The following CASK variants were observed in gnomAD, a reference collection of about 807,000 sequenced individuals.
CASK encodes the protein calcium/calmodulin dependent serine protein kinase.
In CASK, 4 loss-of-function variants were observed where a neutral mutation model predicts 82.9. The ratio of observed to expected loss-of-function variants is 0.05; its 90% CI spans 0.02 to 0.11. The LOEUF is 0.11. Among genes scored for constraint, CASK ranks in the 10% least tolerant of loss-of-function variants. The probability of loss-of-function intolerance (pLI) is 1.00; values close to 1 mark genes in which losing one functional copy is unlikely to be tolerated. For synonymous variants in CASK, 259 were observed against 253.5 expected, an observed-to-expected ratio of 1.02 and a Z score of -0.20; for missense variants, 358 against 720.9, an observed-to-expected ratio of 0.50 and a Z score of 5.76.
At chrX:41,735,863 G>T (rs2068485806) in intron 5 of CASK, among the ~76,000 whole-genome samples, 1 of 111,231 alleles carries the variant, frequency 9.0e-6, no homozygotes. Context: ...ATTTACAAAA[G>T]CAAGCCCTTC....
intron 2 of CASK, among the ~76,000 whole-genome samples, chrX:41,791,838 G>A (rs780916945): frequency 4.5e-5 from 5 of 110,627 alleles, no homozygotes; most frequent in Admixed American, 2.9e-4. Flanking sequence ...TAATTTCTCA[G>A]GAAATTTTAA....
intron 8 of CASK, among the ~76,000 whole-genome samples, chrX:41,639,117 A>G (rs1022333087): frequency 3.0e-4 from 30 of 98,379 alleles, no homozygotes; most frequent in Non-Finnish European, 6.0e-4. Flanking sequence ...CTCTGTCGCC[A>G]GGCTGGAATG....
intron 3 of CASK, among the ~76,000 whole-genome samples, chrX:41,774,645 C>T (rs1289070287): frequency 9.0e-6 from 1 of 111,238 alleles, no homozygotes; most frequent in African/African-American, 3.3e-5. Flanking sequence ...TACTACAAGG[C>T]TACAGTAACC....
At position 41,518,176 on chromosome X, in the gene CASK, C is replaced by G. The variant is rs756252866; in HGVS notation, c.*2244G>C. 7.4e-6 allele frequency: 1 copy of G among 135,661 alleles called. No homozygotes were observed. Among genetic ancestry groups the G allele is most frequent in the South Asian group, 2.7e-4 (1 of 3,764 alleles). 11.2% of individuals were successfully genotyped at this position (135,661 alleles called of 1,213,427 possible). Reference sequence around the variant, plus strand: ...ATCAGCATCTCTGGAGATGTGGGCTCAAAGGGCAAGTGGGGGCGTGGGGGT... The same window carrying G: ...ATCAGCATCTCTGGAGATGTGGGCTGAAAGGGCAAGTGGGGGCGTGGGGGT... On this transcript the variant is annotated 3_prime_UTR_variant, in exon 27 of 27. Coordinates refer to ENST00000378163, the MANE Select transcript of CASK (RefSeq NM_001367721.1).
At chrX:41,873,283 C>CAAA (rs1175165867) in intron 1 of CASK, among the ~76,000 whole-genome samples, 306 of 30,936 alleles carry the variant, frequency 9.9e-3, no homozygotes, top group African/African-American at 0.013. Flanking sequence ...TTCTTCCTCA[C>CAAA]AAAAAAAAAA....
chrX:41,853,333 T>C (rs2071301968), intron 1 of CASK, 106 bp from the exon 2 acceptor site: 1 of 495,270 alleles, frequency 2.0e-6, no homozygotes, highest in South Asian at 3.4e-5. Flanking sequence ...ATGTTTGCCA[T>C]TCTACTTTAG....
At chrX:41,813,495 T>G (rs1203710176) in intron 2 of CASK, among the ~76,000 whole-genome samples, 11 of 111,026 alleles carry the variant, frequency 9.9e-5, no homozygotes, top group Non-Finnish European at 2.1e-4. Context: ...ATAGGGAAAG[T>G]ATTCCCTATT....
At chrX:41,690,557 C>T (rs1201396915) in intron 5 of CASK, among the ~76,000 whole-genome samples, 32 of 103,790 alleles carry the variant, frequency 3.1e-4, no homozygotes, top group African/African-American at 9.6e-4. Context: ...GGCAGGGTTT[C>T]GCTATGTTGG....
intron 5 of CASK, among the ~76,000 whole-genome samples, chrX:41,674,079 G>A (rs1339768320): frequency 3.6e-5 from 4 of 110,527 alleles, no homozygotes; most frequent in Admixed American, 2.9e-4. Context: ...AACAGAGGAG[G>A]AAGAAAGAGG....
chrX:41,757,432 C>G (rs1156593456), intron 3 of CASK, among the ~76,000 whole-genome samples: 1 of 112,039 alleles, frequency 8.9e-6, no homozygotes, highest in Non-Finnish European at 1.9e-5. Context: ...TAGCTCCTAA[C>G]TGTTTCTTCC....
chrX:41,626,528 G>A, intron 10 of CASK, 76 bp downstream of exon 10: 3 of 659,219 alleles, frequency 4.6e-6, no homozygotes, highest in Non-Finnish European at 7.5e-6. Flanking sequence ...CACAGGAAAA[G>A]TTTATTCACA....
chrX:41,730,162 T>A (rs2068367539), intron 5 of CASK: 1 of 122,427 alleles, frequency 8.2e-6, no homozygotes, highest in Admixed American at 9.7e-5. Flanking sequence ...GCTTAAAGAC[T>A]CCTTTTTTTC....
At chrX:41,626,001 G>A (rs2066368321) in intron 10 of CASK, among the ~76,000 whole-genome samples, 2 of 81,869 alleles carry the variant, frequency 2.4e-5, no homozygotes, top group Admixed American at 3.5e-4. Flanking sequence ...ATGGGGTTTT[G>A]CCATGTTGGC....
chrX:41,794,179 A>T (rs1325008901), intron 2 of CASK, among the ~76,000 whole-genome samples: 1 of 112,452 alleles, frequency 8.9e-6, no homozygotes, highest in African/African-American at 3.2e-5. Context: ...CATTGAAAAA[A>T]AATTCCTATG....
At position 41,696,500 on chromosome X, in the gene CASK, C is replaced by T. The variant is rs750539096; in HGVS notation, c.430-24970G>A. On this transcript the variant is annotated intron_variant, in intron 5 of 26. Transcript: ENST00000378163. ...CCTATCATGCCTTTCGATTCATCTA[C>T]ATTTCTTCACAGCTAAATGTATCAT... 3 of 1,206,824 alleles carry T rather than the reference C, an allele frequency of 2.5e-6. No homozygotes were observed. In the African/African-American group the frequency reaches 5.2e-5, roughly 21 times the overall value.
intron 19 of CASK, among the ~76,000 whole-genome samples, chrX:41,556,783 T>C (rs972892138): frequency 8.9e-6 from 1 of 112,646 alleles, no homozygotes; most frequent in Admixed American, 9.4e-5. Context: ...TGGGGTGGCA[T>C]AGAAATATTT....
intron 2 of CASK, among the ~76,000 whole-genome samples, chrX:41,850,458 C>A: frequency 9.1e-6 from 1 of 110,123 alleles, no homozygotes; most frequent in Non-Finnish European, 1.9e-5. Context: ...TAACAAAGAG[C>A]AAACAAACCA....
At chrX:41,551,803 C>T (rs771367900) in intron 21 of CASK, among the ~76,000 whole-genome samples, 12 of 103,087 alleles carry the variant, frequency 1.2e-4, no homozygotes, top group Middle Eastern at 1.0e-2. Context: ...TTGTTTGAAC[C>T]CAGGAGGTAG....
At chrX:41,621,755 T>C (rs2066291787) in intron 11 of CASK, among the ~76,000 whole-genome samples, 1 of 112,229 alleles carries the variant, frequency 8.9e-6, no homozygotes, top group Non-Finnish European at 1.9e-5. Context: ...AGATAACTAA[T>C]GTAAGAAAAT....
Sources: gnomAD v4.1 joint callset for allele counts (sites outside exome capture counted in the v4.1 genomes callset) on GRCh38, gnomAD v4.1.1 for gene constraint, MANE v1.5 for transcripts, NCBI Gene and HGNC (gene_info 2026-07-23, HGNC 2026-07-21) for gene names.